STARD13: variants seen among roughly 807,000 people sequenced by gnomAD.
The protein encoded by STARD13 is stAR-related lipid transfer protein 13.
A neutral mutation model predicts 106.4 loss-of-function variants in STARD13; 62 were observed. That is an observed-to-expected ratio of 0.58 (90% CI 0.48 to 0.72). The LOEUF is 0.72. Among genes scored for constraint, STARD13 ranks in the 30% least tolerant of loss-of-function variants. The pLI is 0.00. For missense variants in STARD13, 1,387 were observed against 1,424.0 expected, an observed-to-expected ratio of 0.97 and a Z score of 0.42; for synonymous variants, 565 against 553.0, an observed-to-expected ratio of 1.02 and a Z score of -0.31.
the STARD13 span, among the ~76,000 whole-genome samples, chr13:33,467,962 A>G: frequency 6.6e-6 from 1 of 152,028 alleles, no homozygotes; most frequent in Non-Finnish European, 1.5e-5. Context: ...ACTTAAGCAA[A>G]CCTCATGGCA....
chr13:33,520,144 TA>T, the STARD13 span: 1 of 152,140 alleles, frequency 6.6e-6, no homozygotes, highest in East Asian at 1.9e-4. Flanking sequence ...ATGTGATCAG[TA>T]AAGGCTATAA....
the STARD13 span, among the ~76,000 whole-genome samples, chr13:33,628,076 T>C: frequency 6.6e-6 from 1 of 151,336 alleles, no homozygotes; most frequent in African/African-American, 2.4e-5. Context: ...AAGACAGTCA[T>C]CTTTTGGTTG....
intron 3 of STARD13, among the ~76,000 whole-genome samples, chr13:33,146,617 A>C (rs958094175): frequency 9.8e-5 from 15 of 152,364 alleles, no homozygotes; most frequent in African/African-American, 3.6e-4. Context: ...AATAAAAAAT[A>C]ATGCAAGTGA....
the STARD13 span, among the ~76,000 whole-genome samples, chr13:33,493,966 T>C: frequency 6.6e-6 from 1 of 152,082 alleles, no homozygotes; most frequent in Non-Finnish European, 1.5e-5. Context: ...TTGGTGCGGG[T>C]TTCTCATCAG....
chr13:33,453,810 C>A, the STARD13 span, among the ~76,000 whole-genome samples: 1 of 152,200 alleles, frequency 6.6e-6, no homozygotes, highest in African/African-American at 2.4e-5. Context: ...TGGGGCCCTG[C>A]TAATTCAGCA....
At chr13:33,189,434 C>CAAG in intron 1 of STARD13, among the ~76,000 whole-genome samples, 1 of 19,326 alleles carries the variant, frequency 5.2e-5, no homozygotes, top group South Asian at 2.3e-3. Flanking sequence ...TTCCTCCTTT[C>CAAG]GGAGGAAGGA....
intron 1 of STARD13, among the ~76,000 whole-genome samples, chr13:33,236,401 C>T (rs747518748): frequency 7.2e-5 from 11 of 152,312 alleles, no homozygotes; most frequent in East Asian, 5.8e-4. Flanking sequence ...TCGGTGGAAA[C>T]GCATGGCTGC....
chr13:33,194,026 C>T (rs898400618), intron 1 of STARD13, among the ~76,000 whole-genome samples: 2 of 152,046 alleles, frequency 1.3e-5, no homozygotes, highest in Non-Finnish European at 2.9e-5. Context: ...CTGTTACAAA[C>T]TAGTCCAGAA....
At chr13:33,313,240 T>C (rs912123630) in intron 1 of STARD13, among the ~76,000 whole-genome samples, 1 of 151,632 alleles carries the variant, frequency 6.6e-6, no homozygotes, top group African/African-American at 2.4e-5. Context: ...ATATTTGGAA[T>C]GAAAAAAATG....
At chr13:33,194,146 A>C (rs956930883) in intron 1 of STARD13, among the ~76,000 whole-genome samples, 2 of 152,186 alleles carry the variant, frequency 1.3e-5, no homozygotes. Flanking sequence ...TTCTTGCCTC[A>C]ATCTGGACTT....
intron 1 of STARD13, among the ~76,000 whole-genome samples, chr13:33,319,270 C>G (rs1265238793): frequency 6.6e-6 from 1 of 152,108 alleles, no homozygotes; most frequent in African/African-American, 2.4e-5. Context: ...TGAAAACATG[C>G]TAAGTGAAAG....
At chr13:33,355,881 T>C in the STARD13 span, among the ~76,000 whole-genome samples, 2 of 152,194 alleles carry the variant, frequency 1.3e-5, no homozygotes, top group Non-Finnish European at 2.9e-5. Flanking sequence ...TTTCGGGTTT[T>C]GTTCTGTTAA....
chr13:33,633,603 A>G, the STARD13 span, among the ~76,000 whole-genome samples: 1 of 152,256 alleles, frequency 6.6e-6, no homozygotes, highest in Non-Finnish European at 1.5e-5. Context: ...ATCACTGCAC[A>G]TAACAACTAG....
the STARD13 span, among the ~76,000 whole-genome samples, chr13:33,499,619 CT>C: frequency 2.7e-4 from 29 of 109,222 alleles, 1 homozygote; most frequent in African/African-American, 1.2e-3. Context: ...TCTTCTTCTT[CT>C]TCTTCTTCTT....
At chr13:33,360,724 G>GGAATCCTTCTGGGTA in the STARD13 span, among the ~76,000 whole-genome samples, 1 of 138,040 alleles carries the variant, frequency 7.2e-6, no homozygotes, top group Non-Finnish European at 1.6e-5. Flanking sequence ...GTAGACAGAA[G>GGAATCCTTCTGGGTA]GACATATTGT....
At chr13:33,551,568 CCTTTTTTT>C in the STARD13 span, among the ~76,000 whole-genome samples, 7 of 44,794 alleles carry the variant, frequency 1.6e-4, 2 homozygotes, top group African/African-American at 3.2e-4. Context: ...TTTGCTTTTC[CCTTTTTTT>C]TTTTTTTTTT....
rs542685839 is a variant in STARD13, at chr13:33,136,082, C to T, written c.388-5793G>A. ...GTTGCAGTGAGCTGAGTTTGCGCCA[C>T]TGCACTGTAGCCTGGGTGATGAAGT... is the stretch of plus-strand genomic sequence containing the variant. On this transcript the variant is annotated intron_variant, in intron 4 of 13. Coordinates refer to ENST00000336934, the MANE Select transcript of STARD13 (RefSeq NM_178006.4). 3.3e-5 allele frequency among the ~76,000 whole-genome samples: 5 copies of T among 151,792 alleles called. No individual in the cohort carries two copies. The East Asian group carries it at 9.7e-4, about 29-fold the overall frequency.
the STARD13 span, among the ~76,000 whole-genome samples, chr13:33,479,291 G>A: frequency 2.6e-5 from 4 of 152,278 alleles, no homozygotes; most frequent in East Asian, 1.9e-4. Flanking sequence ...ATGCAAACAC[G>A]GCATAACCCC....
At chr13:33,250,386 A>G (rs1890041871) in intron 1 of STARD13, among the ~76,000 whole-genome samples, 1 of 152,206 alleles carries the variant, frequency 6.6e-6, no homozygotes, top group Admixed American at 6.5e-5. Flanking sequence ...AGGGAAATAT[A>G]TAATTCTGGA....
Sources: allele counts gnomAD v4.1 joint callset (sites outside exome capture counted in the v4.1 genomes callset), GRCh38; gene constraint gnomAD v4.1.1; transcripts MANE v1.5; gene names NCBI Gene and HGNC (gene_info 2026-07-23, HGNC 2026-07-21).